ZNF804B: variants seen among roughly 807,000 people sequenced by gnomAD.
ZNF804B encodes the protein zinc finger 804B.
Under a neutral mutation model 101.4 loss-of-function variants are expected in ZNF804B, and 80 were observed. That is an observed-to-expected ratio of 0.79 (90% CI 0.66 to 0.95). The LOEUF is 0.95. Ranked by LOEUF, ZNF804B falls within the 40% of genes least tolerant of loss-of-function variation. The pLI is 0.00. For missense variants in ZNF804B, 1,673 were observed against 1,561.9 expected, an observed-to-expected ratio of 1.07 and a Z score of -1.20; for synonymous variants, 622 against 558.8, an observed-to-expected ratio of 1.11 and a Z score of -1.59.
chr7:89,062,180 A>G (rs1215442211), intron 1 of ZNF804B, among the ~76,000 whole-genome samples: 3 of 152,156 alleles, frequency 2.0e-5, no homozygotes, highest in Admixed American at 6.6e-5. Context: ...ACAGAAATAT[A>G]CAATCCTGCC....
intron 1 of ZNF804B, among the ~76,000 whole-genome samples, chr7:88,907,690 C>T (rs1373922759): frequency 6.6e-6 from 1 of 151,814 alleles, no homozygotes; most frequent in Admixed American, 6.6e-5. Flanking sequence ...AATGAGGGAG[C>T]ATGGCTTCAT....
At chr7:89,178,135 T>A (rs990074781) in intron 1 of ZNF804B, among the ~76,000 whole-genome samples, 5 of 152,234 alleles carry the variant, frequency 3.3e-5, no homozygotes, top group Admixed American at 3.3e-4. Flanking sequence ...CTTTTTCTAT[T>A]CTTTCATTTT....
intron 1 of ZNF804B, among the ~76,000 whole-genome samples, chr7:88,901,066 C>T (rs1178778972): frequency 1.3e-5 from 2 of 151,616 alleles, no homozygotes; most frequent in African/African-American, 2.4e-5. Context: ...CAGCCATTAT[C>T]CAGACTAATT....
At chr7:89,012,113 G>A (rs1788473882) in intron 1 of ZNF804B, among the ~76,000 whole-genome samples, 1 of 152,170 alleles carries the variant, frequency 6.6e-6, no homozygotes, top group African/African-American at 2.4e-5. Context: ...AGCCACCGAA[G>A]TTTGGGGCTT....
intron 1 of ZNF804B, among the ~76,000 whole-genome samples, chr7:89,047,448 G>A (rs1236800387): frequency 6.6e-6 from 1 of 152,106 alleles, no homozygotes; most frequent in Admixed American, 6.6e-5. Flanking sequence ...AGTGAAATTT[G>A]GAAAGGAGCG....
intron 1 of ZNF804B, among the ~76,000 whole-genome samples, chr7:89,204,642 C>T (rs1337182935): frequency 6.6e-6 from 1 of 152,134 alleles, no homozygotes; most frequent in Admixed American, 6.6e-5. Flanking sequence ...AAGTAAGTCT[C>T]ATGTTTGTTA....
At chr7:88,828,456 C>G (rs923441834) in intron 1 of ZNF804B, among the ~76,000 whole-genome samples, 2 of 151,888 alleles carry the variant, frequency 1.3e-5, no homozygotes, top group Admixed American at 6.6e-5. Flanking sequence ...AGTGTTGTTT[C>G]CTCTGCCTGG....
intron 2 of ZNF804B, among the ~76,000 whole-genome samples, chr7:89,275,582 A>G (rs890021719): frequency 1.3e-5 from 2 of 151,880 alleles, no homozygotes; most frequent in Non-Finnish European, 2.9e-5. Flanking sequence ...CTGGCCACAG[A>G]TATCTACACA....
At chr7:88,899,350 A>C (rs1792355783) in intron 1 of ZNF804B, among the ~76,000 whole-genome samples, 1 of 152,202 alleles carries the variant, frequency 6.6e-6, no homozygotes, top group African/African-American at 2.4e-5. Context: ...TCCCATAAAA[A>C]AAATCTGCTC....
At chr7:89,118,604 C>T (rs1790352113) in intron 1 of ZNF804B, among the ~76,000 whole-genome samples, 1 of 151,992 alleles carries the variant, frequency 6.6e-6, no homozygotes, top group Non-Finnish European at 1.5e-5. Context: ...ATAAGAAGTG[C>T]CCCCGGCTCT....
chr7:88,804,650 C>G (rs1050143961), intron 1 of ZNF804B, among the ~76,000 whole-genome samples: 8 of 152,084 alleles, frequency 5.3e-5, no homozygotes, highest in Non-Finnish European at 1.0e-4. Context: ...AGTTGCTTTA[C>G]ACATACAAAT....
intron 1 of ZNF804B, among the ~76,000 whole-genome samples, chr7:89,043,624 A>G (rs1789053710): frequency 6.6e-6 from 1 of 152,190 alleles, no homozygotes; most frequent in African/African-American, 2.4e-5. Flanking sequence ...ACTTTTGCAA[A>G]TGCACACTTT....
chr7:88,875,853 AC>A (rs1192032881), intron 1 of ZNF804B, among the ~76,000 whole-genome samples: 1 of 152,186 alleles, frequency 6.6e-6, no homozygotes, highest in Non-Finnish European at 1.5e-5. Flanking sequence ...CAGAGACACA[AC>A]CAAAAAAGAG....
At chr7:88,903,213 C>T (rs1244226071) in intron 1 of ZNF804B, among the ~76,000 whole-genome samples, 1 of 151,752 alleles carries the variant, frequency 6.6e-6, no homozygotes, top group Non-Finnish European at 1.5e-5. Flanking sequence ...TTTTCTGTTC[C>T]TGCATTAATT....
rs201891022 is a variant in ZNF804B, at chr7:89,254,465, T to TA, written c.249+36180dup. Among the ~76,000 whole-genome samples, 96 of 146,232 alleles carry TA rather than the reference T, an allele frequency of 6.6e-4. No homozygotes were observed. The East Asian group carries it at 0.011, about 17-fold the overall frequency. On this transcript the variant is annotated intron_variant, in intron 2 of 3. Coordinates refer to ENST00000333190, the MANE Select transcript of ZNF804B (RefSeq NM_181646.5). ...GAAGGATATTAAAGAATACCTAAAT[T>TA]AAAAAAAAAACCCACAACACATTCT...
intron 1 of ZNF804B, among the ~76,000 whole-genome samples, chr7:88,983,735 C>T (rs1173462632): frequency 6.6e-6 from 1 of 151,820 alleles, no homozygotes; most frequent in East Asian, 1.9e-4. Context: ...TTTTTATAAT[C>T]TGAATACTAG....
At chr7:89,277,715 T>A (rs1279294989) in intron 2 of ZNF804B, among the ~76,000 whole-genome samples, 1 of 151,756 alleles carries the variant, frequency 6.6e-6, no homozygotes, top group Non-Finnish European at 1.5e-5. Flanking sequence ...TTCCATGGTG[T>A]ATATGTGCCA....
At chr7:89,016,172 T>G (rs1234074989) in intron 1 of ZNF804B, among the ~76,000 whole-genome samples, 98 of 152,152 alleles carry the variant, frequency 6.4e-4, no homozygotes, top group African/African-American at 2.1e-3. Flanking sequence ...TTGCCTACTT[T>G]TTGATGGGGT....
chr7:88,972,391 A>C (rs909583979), intron 1 of ZNF804B, among the ~76,000 whole-genome samples: 1 of 151,426 alleles, frequency 6.6e-6, no homozygotes, highest in Non-Finnish European at 1.5e-5. Context: ...TCATGTATTT[A>C]TATGTCAGAC....
Sources: gnomAD v4.1 joint callset for allele counts (sites outside exome capture counted in the v4.1 genomes callset) on GRCh38, gnomAD v4.1.1 for gene constraint, MANE v1.5 for transcripts, NCBI Gene and HGNC (gene_info 2026-07-23, HGNC 2026-07-21) for gene names.